The following SH3TC1 variants were observed in gnomAD, a reference collection of about 807,000 sequenced individuals.
SH3TC1 encodes SH3 domain and tetratricopeptide repeats 1.
A neutral mutation model predicts 117.3 loss-of-function variants in SH3TC1; 135 were observed. The ratio of observed to expected loss-of-function variants is 1.15; its 90% confidence interval spans 1.00 to 1.33. The LOEUF (loss-of-function observed/expected upper bound fraction) is 1.33, where lower values mean the gene tolerates loss of function less well. Ranked by LOEUF, SH3TC1 falls within the 40% of genes most tolerant of loss-of-function variation. The pLI is 0.00. For synonymous variants in SH3TC1, 898 were observed against 816.9 expected, an observed-to-expected ratio of 1.10 and a Z score of -1.69; for missense variants, 2,092 against 1,794.3, an observed-to-expected ratio of 1.17 and a Z score of -3.00.
intron 2 of SH3TC1, among the ~76,000 whole-genome samples, chr4:8,208,016 G>A (rs1331976983): frequency 2.6e-5 from 4 of 152,188 alleles, no homozygotes; most frequent in Non-Finnish European, 4.4e-5. Flanking sequence ...CAGCAGTGGC[G>A]GGCTGGACAG....
rs773366713 is a variant in SH3TC1, at chr4:8,205,628, C to T, written c.172+262C>T. 26 of 767,628 alleles carry T rather than the reference C, an allele frequency of 3.4e-5. No homozygotes were observed. Among genetic ancestry groups the T allele is most frequent in the East Asian group, 4.8e-5 (2 of 41,270 alleles). The allele number at this position is 767,628 out of a possible 1,614,324, so 47.6% of individuals were successfully genotyped here. A position where few individuals can be genotyped will look rare whatever the true frequency, so the allele number is the denominator to read the frequency against. On this transcript the variant is annotated intron_variant, in intron 2 of 17. Transcript: ENST00000245105. The surrounding 1 kb of genome is among the most constrained non-coding windows in gnomAD (Gnocchi z 5.4). ...CAGTGATAACAAAACTGGCAAAGAA[C>T]GAGGCAGGGGCCTTTGAACCCCCAT...
chr4:8,208,326 G>C (rs1333492860), intron 2 of SH3TC1, among the ~76,000 whole-genome samples: 1 of 151,976 alleles, frequency 6.6e-6, no homozygotes, highest in Non-Finnish European at 1.5e-5. Context: ...ACGGAGTCAA[G>C]ATCTGAGCAC....
intron 9 of SH3TC1, among the ~76,000 whole-genome samples, chr4:8,222,361 G>GTTT (rs5856006): frequency 7.4e-5 from 3 of 40,284 alleles, no homozygotes; most frequent in South Asian, 1.4e-3. Context: ...TCAGGATCTG[G>GTTT]TTTTTTTTTT....
intron 15 of SH3TC1, chr4:8,235,760 C>G: frequency 1.7e-6 from 1 of 591,220 alleles, no homozygotes; most frequent in Non-Finnish European, 2.6e-6. Context: ...CAGCAATGGC[C>G]TTACCCTTGC....
At chr4:8,233,253 G>A in intron 13 of SH3TC1, 110 bp from the exon 14 acceptor site, 1 of 1,476,884 alleles carries the variant, frequency 6.8e-7, no homozygotes, top group Non-Finnish European at 8.9e-7. Flanking sequence ...CACACAAGAG[G>A]GCCGTTCCCA....
At chr4:8,198,384 A>G (rs1006238572), upstream of SH3TC1, among the ~76,000 whole-genome samples, 5 of 152,196 alleles carry the variant, frequency 3.3e-5, no homozygotes, top group Non-Finnish European at 4.4e-5. Flanking sequence ...GATCCCTCCC[A>G]TTCCCACTTC....
chr4:8,233,329 C>T lies in SH3TC1; in HGVS notation c.3132-34C>T, dbSNP rs561488092. 2.5e-6 allele frequency: 4 copies of T among 1,572,782 alleles called. No homozygotes were observed. In the South Asian group the frequency reaches 3.6e-5, roughly 14 times the overall value. ...AGGCAGACTGGTTCCAGGAGGATGA[C>T]AGCCCTTGTTCTGACACCTGTGTCT... On this transcript the variant is annotated intron_variant, in intron 13 of 17. Coordinates refer to ENST00000245105, the MANE Select transcript of SH3TC1 (RefSeq NM_018986.5).
At position 8,210,749 on chromosome 4, in the gene SH3TC1, A is replaced by G. The variant is rs954268122; in HGVS notation, c.247+927A>G. Among the ~76,000 whole-genome samples, 10 of 12,844 alleles carry G rather than the reference A, an allele frequency of 7.8e-4. No homozygotes were observed. Among genetic ancestry groups the G allele is most frequent in the Admixed American group, 1.7e-3 (2 of 1,170 alleles). The allele number at this position is 12,844 out of a possible 152,430, so 8.4% of individuals were successfully genotyped here. A position where few individuals can be genotyped will look rare whatever the true frequency, so the allele number is the denominator to read the frequency against. ...CACTCCAGCCTGGGCAACTTCTGAA[A>G]AAAAAAAAAAAAAAAAAAAAAAAAA... On this transcript the variant is annotated intron_variant, in intron 3 of 17. Transcript: ENST00000245105. This position sits in a 1 kb window ranked among gnomAD's most constrained non-coding sequence, Gnocchi z 4.1.
intron 16 of SH3TC1, 89 bp from the exon 17 acceptor site, chr4:8,237,385 G>A: frequency 1.6e-6 from 2 of 1,215,812 alleles, no homozygotes; most frequent in South Asian, 3.2e-5. Flanking sequence ...TGACCGCAGT[G>A]CCTGGAGGCG....
chr4:8,192,779 A>G lies in SH3TC1; in HGVS notation c.-57+10569A>G, dbSNP rs1369378522. ...AGTGCTGGGATTACAGGCGTGAGCC[A>G]CGGTGCCCGGCCCACTTGTCTTTAT... On this transcript the variant is annotated intron_variant, in intron 1 of 16. Transcript: ENST00000508641. The surrounding 1 kb of genome is among the most constrained non-coding windows in gnomAD (Gnocchi z 4.1). Among the ~76,000 whole-genome samples, 1 of 152,240 alleles carries G rather than the reference A, an allele frequency of 6.6e-6. No homozygotes were observed. The highest frequency in any genetic ancestry group is 1.5e-5 in the Non-Finnish European group (1 of 68,052).
At chr4:8,232,451 G>A (rs1393198757) in intron 13 of SH3TC1, 1 of 1,500,730 alleles carries the variant, frequency 6.7e-7, no homozygotes, top group Non-Finnish European at 8.9e-7. Context: ...ATTCTGGGCT[G>A]TTCTTCCTAC....
At chr4:8,223,730 T>G (rs1402978230) in intron 10 of SH3TC1, among the ~76,000 whole-genome samples, 1 of 151,872 alleles carries the variant, frequency 6.6e-6, no homozygotes, top group Non-Finnish European at 1.5e-5. Flanking sequence ...CCTCCCGGGT[T>G]CAAGCGATTC....
At chr4:8,235,359 G>T (rs1001444197) in intron 14 of SH3TC1, 74 bp from the exon 15 acceptor site, 3 of 1,406,606 alleles carry the variant, frequency 2.1e-6, no homozygotes, top group African/African-American at 1.4e-5. Flanking sequence ...GAGGCTGGGC[G>T]GGGGAGTCCG....
At position 8,205,441 on chromosome 4, in the gene SH3TC1, C is replaced by A; in HGVS notation, c.172+75C>A. 7.7e-7 allele frequency: 1 copy of A among 1,299,506 alleles called. No individual in the cohort carries two copies. Among genetic ancestry groups the A allele is most frequent in the Non-Finnish European group, 1.0e-6 (1 of 979,016 alleles). 80.5% of individuals were successfully genotyped at this position (1,299,506 alleles called of 1,614,324 possible). On this transcript the variant is annotated intron_variant, in intron 2 of 17. Transcript: ENST00000245105. This position sits in a 1 kb window ranked among gnomAD's most constrained non-coding sequence, Gnocchi z 5.4. ...CACCCCACCCGCCCCGTCCATCCATCCCTCACCACCCTGCCTGCCTCCAGG... is the reference window on the plus strand; with the variant it reads ...CACCCCACCCGCCCCGTCCATCCATACCTCACCACCCTGCCTGCCTCCAGG...
At chr4:8,236,065 T>G in intron 15 of SH3TC1, 2 of 587,422 alleles carry the variant, frequency 3.4e-6, no homozygotes, top group Non-Finnish European at 5.7e-6. Context: ...GGGGCTGGTT[T>G]GAGGCTGCCG....
In SH3TC1 at chr4:8,217,176, C is replaced by T. The variant is rs547400018; in HGVS notation, c.839+9C>T. 2.0e-5 allele frequency: 32 copies of T among 1,594,010 alleles called. No individual in the cohort carries two copies. The highest frequency in any genetic ancestry group is 1.1e-4 in the African/African-American group (8 of 74,584). On this transcript the variant is annotated intron_variant, in intron 7 of 17. Coordinates refer to ENST00000245105, the MANE Select transcript of SH3TC1 (RefSeq NM_018986.5). ...TTGATTCCATTTCATCAGTAGGTACCGGCCTTTGCTGCTCTGAGAGCTGTT... is the reference window on the plus strand; with the variant it reads ...TTGATTCCATTTCATCAGTAGGTACTGGCCTTTGCTGCTCTGAGAGCTGTT...
intron 16 of SH3TC1, chr4:8,236,668 C>T (rs994643632): frequency 5.4e-5 from 24 of 446,374 alleles, no homozygotes; most frequent in African/African-American, 2.2e-4. Context: ...CTGCTGACCA[C>T]GAGGGCTGCC....
chr4:8,227,849 C>G lies in SH3TC1; in HGVS notation c.2155C>G (p.Arg719Gly), dbSNP rs777250556. 1.9e-6 allele frequency: 3 copies of G among 1,612,688 alleles called. No homozygotes were observed. The highest frequency in any genetic ancestry group is 2.5e-6 in the Non-Finnish European group (3 of 1,179,980). Residue 719 changes from arginine to glycine, a missense_variant, in exon 12 of 18, where the codon CGC becomes GGC. By Grantham distance (125) the Arg-to-Gly change is moderately radical. Transcript: ENST00000245105. ...CCTACTCCTGGCTGACATCTACAGC[C>G]GCAAGTGCCTGCCCCACCTGGTGCT... The part of the protein sequence containing the change: ...CYLLLADIYS[R>G]KCLPHLVLSC...
At position 8,228,589 on chromosome 4, in the gene SH3TC1, C is replaced by A. The variant is rs1578727582; in HGVS notation, c.2895C>A (p.Gly965=). The A allele has an allele frequency of 6.3e-6, 10 of 1,579,960 alleles. No individual in the cohort carries two copies. Among genetic ancestry groups the A allele is most frequent in the Non-Finnish European group, 8.6e-6 (10 of 1,165,142 alleles). Residue 965 remains glycine, a synonymous_variant, in exon 12 of 18, where the codon GGC becomes GGA. Coordinates refer to ENST00000245105, the MANE Select transcript of SH3TC1 (RefSeq NM_018986.5). ...LCTRQGPAQQ[G]KGYYEWALLV... ...CCCGCCAGGGCCCGGCCCAGCAGGG[C>A]AAGGGCTACTACGAGTGGGCCCTTC...
Sources: allele counts gnomAD v4.1 joint callset (sites outside exome capture counted in the v4.1 genomes callset), GRCh38; gene constraint gnomAD v4.1.1; non-coding constraint Gnocchi (gnomAD v3.1); transcripts MANE v1.5; gene names NCBI Gene and HGNC (gene_info 2026-07-23, HGNC 2026-07-21).